ACSBG1: variants seen among roughly 807,000 people sequenced by gnomAD.
ACSBG1 encodes acyl-CoA synthetase bubblegum family member 1.
A neutral mutation model predicts 80.2 loss-of-function variants in ACSBG1; 39 were observed. The ratio of observed to expected loss-of-function variants is 0.49; its 90% CI spans 0.38 to 0.64. ACSBG1 has a LOEUF of 0.64. Ranked by LOEUF, ACSBG1 falls within the 30% of genes least tolerant of loss-of-function variation. The probability of loss-of-function intolerance (pLI) is 0.00; values close to 1 mark genes in which losing one functional copy is unlikely to be tolerated. For synonymous variants in ACSBG1, 392 were observed against 379.5 expected, an observed-to-expected ratio of 1.03 and a Z score of -0.38; for missense variants, 828 against 966.4, an observed-to-expected ratio of 0.86 and a Z score of 1.90.
At chr15:78,197,402 T>C (rs1020463209) in intron 2 of ACSBG1, among the ~76,000 whole-genome samples, 4 of 152,136 alleles carry the variant, frequency 2.6e-5, no homozygotes, top group Admixed American at 2.6e-4. Flanking sequence ...ATATAAATTA[T>C]AGCTCAATAA....
At chr15:78,194,945 T>G (rs1293987571) in intron 2 of ACSBG1, among the ~76,000 whole-genome samples, 1 of 152,158 alleles carries the variant, frequency 6.6e-6, no homozygotes, top group Non-Finnish European at 1.5e-5. Context: ...AGTTTAGGGA[T>G]GCAGCAAGGA....
chr15:78,194,036 A>C lies in ACSBG1; in HGVS notation c.454-16T>G, dbSNP rs770976836. ...TCAGGCCGAGCTCCAGGTCAAAGGC[A>C]GACAGGCCAGGTCAGCCGGGCAGGG... On this transcript the variant is annotated splice_polypyrimidine_tract_variant and intron_variant, in intron 3 of 13. Coordinates refer to ENST00000258873, the MANE Select transcript of ACSBG1 (RefSeq NM_015162.5). The C allele has an allele frequency of 2.0e-5, 32 of 1,613,338 alleles. No individual in the cohort carries two copies. The highest frequency in any genetic ancestry group is 1.6e-4 in the Middle Eastern group (1 of 6,084).
chr15:78,179,119 A>G (rs1595880869), intron 10 of ACSBG1: 2 of 482,994 alleles, frequency 4.1e-6, no homozygotes. Flanking sequence ...GATCCTGCAA[A>G]TCACTCCCCA....
At chr15:78,209,151 C>T in intron 1 of ACSBG1, 2 of 456,090 alleles carry the variant, frequency 4.4e-6, no homozygotes, top group Non-Finnish European at 8.8e-6. Flanking sequence ...TTACCTGCTT[C>T]TCACATTCAG....
intron 1 of ACSBG1, among the ~76,000 whole-genome samples, chr15:78,219,284 T>G (rs1011505421): frequency 6.6e-6 from 1 of 151,952 alleles, no homozygotes; most frequent in African/African-American, 2.4e-5. Flanking sequence ...GGTGCACACC[T>G]GTGATCCCAG....
At chr15:78,205,916 G>A (rs1425835321) in intron 2 of ACSBG1, among the ~76,000 whole-genome samples, 1 of 152,162 alleles carries the variant, frequency 6.6e-6, no homozygotes, top group African/African-American at 2.4e-5. Flanking sequence ...AGCTTCTAGG[G>A]AGTCAATGAG....
At chr15:78,217,553 C>A (rs1446704705) in intron 1 of ACSBG1, among the ~76,000 whole-genome samples, 2 of 145,300 alleles carry the variant, frequency 1.4e-5, no homozygotes, top group African/African-American at 2.5e-5. Flanking sequence ...CATCATCAGA[C>A]CCTTTTGGAA....
At chr15:78,229,451 G>A (rs2075429513) in intron 1 of ACSBG1, among the ~76,000 whole-genome samples, 1 of 152,172 alleles carries the variant, frequency 6.6e-6, no homozygotes. Flanking sequence ...CCCCTCGTAG[G>A]CTAGCACACC....
intron 5 of ACSBG1, among the ~76,000 whole-genome samples, chr15:78,190,236 CT>C (rs34093273): frequency 0.86 from 131,064 of 152,020 alleles, 56,551 homozygotes; most frequent in African/African-American, 0.9. Context: ...TAGCAAGACT[CT>C]TGTCTCTACA....
chr15:78,222,442 T>G (rs555357475), intron 1 of ACSBG1, among the ~76,000 whole-genome samples: 20 of 152,190 alleles, frequency 1.3e-4, no homozygotes, highest in African/African-American at 3.4e-4. Flanking sequence ...AGTGGGAGGA[T>G]CACTTGAGGG....
chr15:78,222,518 C>G (rs1462314842), intron 1 of ACSBG1, among the ~76,000 whole-genome samples: 1 of 152,076 alleles, frequency 6.6e-6, no homozygotes, highest in Non-Finnish European at 1.5e-5. Flanking sequence ...AAAAAATTAG[C>G]CAGACATGGT....
chr15:78,180,724 C>T lies in ACSBG1; in HGVS notation c.1253+31G>A, dbSNP rs2074933546. 3 of 1,604,776 alleles carry T rather than the reference C, an allele frequency of 1.9e-6. No individual in the cohort carries two copies. In the South Asian group the frequency reaches 3.3e-5, roughly 18 times the overall value. ...GGGTTATGACCCAGCCCACTCTCTC[C>T]CCAGGCCTCCCGCCCGTGGGCCCTC... On this transcript the variant is annotated intron_variant, in intron 9 of 13. Transcript: ENST00000258873.
chr15:78,206,026 C>T (rs535683473), intron 2 of ACSBG1, among the ~76,000 whole-genome samples: 1 of 152,326 alleles, frequency 6.6e-6, no homozygotes, highest in East Asian at 1.9e-4. Context: ...TCCCCCTCCA[C>T]CCCCAAGGAC....
At position 78,219,251 on chromosome 15, in the gene ACSBG1, G is replaced by A. The variant is rs139749419; in HGVS notation, c.132-11149C>T. ...TGGAATTGCTTAGCACAGTGGCTAA[G>A]ATACTTGGTTATTGTGCATGGTGGT... On this transcript the variant is annotated intron_variant, in intron 1 of 13. Coordinates refer to ENST00000258873, the MANE Select transcript of ACSBG1 (RefSeq NM_015162.5). Among the ~76,000 whole-genome samples the A allele has an allele frequency of 5.3e-5, 8 of 152,202 alleles. No individual in the cohort carries two copies. The East Asian group carries it at 1.4e-3, about 26-fold the overall frequency.
Position 78,168,733 on chromosome 15 carries a change from A to G in ACSBG1, c.*2711T>C, listed in dbSNP as rs1242704680. The G allele has an allele frequency of 9.3e-6, 5 of 539,944 alleles. No homozygotes were observed. The highest frequency in any genetic ancestry group is 1.7e-5 in the Non-Finnish European group (5 of 296,084). The allele number at this position is 539,944 out of a possible 1,614,324, so 33.4% of individuals were successfully genotyped here. On this transcript the variant is annotated 3_prime_UTR_variant, in exon 14 of 14. Transcript: ENST00000258873. ...GCAGAGTGCTGTTGTATACACTATGAGATTGGATCCCGATCCTCCTGGGCT... is the reference window on the plus strand; with the variant it reads ...GCAGAGTGCTGTTGTATACACTATGGGATTGGATCCCGATCCTCCTGGGCT...
chr15:78,203,518 T>C (rs1372819917), intron 2 of ACSBG1, among the ~76,000 whole-genome samples: 1 of 152,222 alleles, frequency 6.6e-6, no homozygotes, highest in Non-Finnish European at 1.5e-5. Context: ...GCCGCCTCCC[T>C]CTCCCTCTGC....
At chr15:78,191,998 G>A (rs563779097) in intron 5 of ACSBG1, among the ~76,000 whole-genome samples, 1 of 152,134 alleles carries the variant, frequency 6.6e-6, no homozygotes, top group Non-Finnish European at 1.5e-5. Context: ...AAGTCATTAG[G>A]GTGGGCTTGG....
intron 2 of ACSBG1, among the ~76,000 whole-genome samples, chr15:78,202,151 C>G (rs1213204589): frequency 6.6e-6 from 1 of 152,088 alleles, no homozygotes; most frequent in Non-Finnish European, 1.5e-5. Flanking sequence ...CCAGGAAGGT[C>G]CATTCTTCCC....
chr15:78,224,645 C>A (rs1032534381), intron 1 of ACSBG1, among the ~76,000 whole-genome samples: 1 of 151,972 alleles, frequency 6.6e-6, no homozygotes, highest in South Asian at 2.1e-4. Context: ...GGCATGAACC[C>A]AGGAGGTGGA....
Sources: gnomAD v4.1 joint callset for allele counts (sites outside exome capture counted in the v4.1 genomes callset) on GRCh38, gnomAD v4.1.1 for gene constraint, MANE v1.5 for transcripts, NCBI Gene and HGNC (gene_info 2026-07-23, HGNC 2026-07-21) for gene names.